The following TNFAIP8 variants were observed in gnomAD, a reference collection of about 807,000 sequenced individuals.
TNFAIP8 encodes tumor necrosis factor alpha-induced protein 8.
A neutral mutation model predicts 13.3 loss-of-function variants in TNFAIP8; 7 were observed. The ratio of observed to expected loss-of-function variants is 0.52; its 90% CI spans 0.30 to 0.99. The LOEUF is 0.99. Ranked by LOEUF, TNFAIP8 falls within the 50% of genes least tolerant of loss-of-function variation. TNFAIP8 has a pLI of 0.07. For missense variants in TNFAIP8, 258 were observed against 236.9 expected (o/e 1.09, Z -0.58); for synonymous variants, 94 against 87.6 (o/e 1.07, Z -0.41).
upstream of TNFAIP8, among the ~76,000 whole-genome samples, chr5:119,351,788 C>CTTTTTTTTTTTTTTTTTTTTTT (rs1177061965): frequency 1.3e-4 from 18 of 138,234 alleles, no homozygotes; most frequent in African/African-American, 5.0e-4. Context: ...TTTTCTTTTT[C>CTTTTTTTTTTTTTTTTTTTTTT]TTTTTTTCTT....
At chr5:119,268,935 C>A in intron 1 of TNFAIP8, 1 of 697,076 alleles carries the variant, frequency 1.4e-6, no homozygotes, top group Non-Finnish European at 2.6e-6. Context: ...GCGCCCGTCC[C>A]GCGCACACTC....
chr5:119,324,231 C>A (rs1750144617), intron 1 of TNFAIP8, among the ~76,000 whole-genome samples: 1 of 130,904 alleles, frequency 7.6e-6, no homozygotes, highest in African/African-American at 3.0e-5. Flanking sequence ...GCCGAGATCG[C>A]GCCACTGCAC....
At chr5:119,327,736 C>A (rs192388241) in intron 1 of TNFAIP8, among the ~76,000 whole-genome samples, 1 of 152,018 alleles carries the variant, frequency 6.6e-6, no homozygotes. Flanking sequence ...TGGGATTACA[C>A]GTGTGAGCCA....
intron 1 of TNFAIP8, among the ~76,000 whole-genome samples, chr5:119,335,284 A>T (rs1485449538): frequency 6.6e-6 from 1 of 152,210 alleles, no homozygotes; most frequent in Non-Finnish European, 1.5e-5. Context: ...TAGGAATTTT[A>T]AATGAACGAG....
At chr5:119,293,996 C>T (rs1749078202) in intron 1 of TNFAIP8, among the ~76,000 whole-genome samples, 2 of 152,094 alleles carry the variant, frequency 1.3e-5, no homozygotes, top group African/African-American at 4.8e-5. Context: ...CATAGTATAT[C>T]AATTCACTTT....
intron 1 of TNFAIP8, among the ~76,000 whole-genome samples, chr5:119,272,013 A>G (rs1465521343): frequency 6.6e-6 from 1 of 152,198 alleles, no homozygotes; most frequent in Non-Finnish European, 1.5e-5. Flanking sequence ...TGTGCTGCCC[A>G]GTAGCTGAAA....
chr5:119,353,334 C>G (rs759991457), upstream of TNFAIP8, among the ~76,000 whole-genome samples: 2 of 152,188 alleles, frequency 1.3e-5, no homozygotes, highest in Admixed American at 6.5e-5. Flanking sequence ...TATCTGAGAG[C>G]AGCAGAAGGC....
intron 1 of TNFAIP8, among the ~76,000 whole-genome samples, chr5:119,313,352 C>T (rs1749791310): frequency 6.6e-6 from 1 of 152,164 alleles, no homozygotes; most frequent in East Asian, 1.9e-4. Flanking sequence ...TGAGGGCACT[C>T]AGCTTGTAAT....
chr5:119,312,418 C>T (rs913288855), intron 1 of TNFAIP8, among the ~76,000 whole-genome samples: 8 of 152,078 alleles, frequency 5.3e-5, no homozygotes, highest in African/African-American at 1.9e-4. Context: ...GGTAAGTGCT[C>T]ACCATATTTT....
intron 1 of TNFAIP8, among the ~76,000 whole-genome samples, chr5:119,367,094 G>C (rs927011967): frequency 6.6e-6 from 1 of 152,092 alleles, no homozygotes; most frequent in African/African-American, 2.4e-5. Flanking sequence ...CTGGGGAAAG[G>C]GTCATTCTTG....
At chr5:119,328,382 A>G (rs917708291) in intron 1 of TNFAIP8, among the ~76,000 whole-genome samples, 6 of 152,238 alleles carry the variant, frequency 3.9e-5, no homozygotes, top group Admixed American at 6.5e-5. Context: ...GTAAAACTAC[A>G]TAATGAGAAA....
chr5:119,276,975 C>A (rs1026327352), intron 1 of TNFAIP8, among the ~76,000 whole-genome samples: 2 of 152,042 alleles, frequency 1.3e-5, no homozygotes, highest in Admixed American at 6.6e-5. Context: ...TACATATGTA[C>A]CTATGATAAA....
intron 1 of TNFAIP8, among the ~76,000 whole-genome samples, chr5:119,328,290 G>A (rs975126116): frequency 1.3e-5 from 2 of 152,124 alleles, no homozygotes; most frequent in African/African-American, 4.8e-5. Flanking sequence ...TGGGATTACA[G>A]GCATGAGCCA....
upstream of TNFAIP8, chr5:119,355,842 G>C (rs1269779119): frequency 1.0e-5 from 11 of 1,047,892 alleles, no homozygotes; most frequent in East Asian, 6.5e-5. Context: ...CCCGGCTGCC[G>C]GCCCGAGCGC....
At chr5:119,306,179 G>A (rs1163941490) in intron 1 of TNFAIP8, among the ~76,000 whole-genome samples, 1 of 152,212 alleles carries the variant, frequency 6.6e-6, no homozygotes, top group Non-Finnish European at 1.5e-5. Flanking sequence ...TTGCCTAAAT[G>A]ATCAGAAAAC....
chr5:119,379,084 G>A (rs899977520), intron 1 of TNFAIP8, among the ~76,000 whole-genome samples: 9 of 152,088 alleles, frequency 5.9e-5, no homozygotes, highest in Admixed American at 5.2e-4. Context: ...TAAAACAAAA[G>A]ATAGTTTGTA....
chr5:119,356,834 T>C (rs1244408027), intron 1 of TNFAIP8, among the ~76,000 whole-genome samples: 1 of 151,992 alleles, frequency 6.6e-6, no homozygotes, highest in African/African-American at 2.4e-5. Context: ...TTTGGGGAGT[T>C]TATTTGTGTG....
At chr5:119,368,157 A>G (rs538383819) in intron 1 of TNFAIP8, among the ~76,000 whole-genome samples, 3 of 151,856 alleles carry the variant, frequency 2.0e-5, no homozygotes, top group African/African-American at 7.3e-5. Context: ...TTGAAATAGC[A>G]TTTTTTTCCC....
intron 1 of TNFAIP8, among the ~76,000 whole-genome samples, chr5:119,343,819 A>G (rs920111380): frequency 1.3e-5 from 2 of 152,198 alleles, no homozygotes; most frequent in Non-Finnish European, 2.9e-5. Context: ...AAAAGCGGAT[A>G]TAACAGCTGA....
Sources: allele counts gnomAD v4.1 joint callset (sites outside exome capture counted in the v4.1 genomes callset), GRCh38; gene constraint gnomAD v4.1.1; transcripts MANE v1.5; gene names NCBI Gene and HGNC (gene_info 2026-07-23, HGNC 2026-07-21).